MGAT5: variants seen among roughly 807,000 people sequenced by gnomAD.
MGAT5 encodes the protein alpha-1,6-mannosylglycoprotein 6-beta-N-acetylglucosaminyltransferase A.
A neutral mutation model predicts 94.3 loss-of-function variants in MGAT5; 30 were observed. The observed-to-expected ratio is 0.32, with a 90% CI of 0.24 to 0.43. The LOEUF (loss-of-function observed/expected upper bound fraction) is 0.43, where lower values mean the gene tolerates loss of function less well. Ranked by LOEUF, MGAT5 falls within the 20% of genes least tolerant of loss-of-function variation. MGAT5 has a pLI of 1.00. For missense variants in MGAT5, 691 were observed against 905.5 expected (o/e 0.76, Z 3.04); for synonymous variants, 310 against 322.9 (o/e 0.96, Z 0.43).
intron 1 of MGAT5, among the ~76,000 whole-genome samples, chr2:134,208,641 G>A (rs1346633874): frequency 1.3e-5 from 2 of 152,182 alleles, no homozygotes; most frequent in Non-Finnish European, 2.9e-5. Flanking sequence ...ATGTATACCA[G>A]AAACATGGTC....
intron 1 of MGAT5, among the ~76,000 whole-genome samples, chr2:134,190,802 T>C (rs1689332075): frequency 6.6e-6 from 1 of 152,220 alleles, no homozygotes; most frequent in East Asian, 1.9e-4. Context: ...CATGCCACCA[T>C]GGCTGGCTAA....
At chr2:134,312,745 G>A (rs576811123) in intron 2 of MGAT5, among the ~76,000 whole-genome samples, 4 of 152,248 alleles carry the variant, frequency 2.6e-5, no homozygotes, top group Middle Eastern at 3.4e-3. Context: ...ATTTCAGCAC[G>A]TGGCAGGCAG....
chr2:134,151,225 G>C (rs1241942833), intron 1 of MGAT5, among the ~76,000 whole-genome samples: 8 of 143,932 alleles, frequency 5.6e-5, no homozygotes, highest in Admixed American at 2.8e-4. Context: ...TACCGCCATG[G>C]GACCTCACTC....
intron 10 of MGAT5, among the ~76,000 whole-genome samples, chr2:134,389,234 A>G (rs1023883196): frequency 6.6e-6 from 1 of 152,212 alleles, no homozygotes; most frequent in African/African-American, 2.4e-5. Context: ...AGTCTAATTA[A>G]GTGTCTTTAT....
chr2:134,418,243 T>G (rs959157448), intron 12 of MGAT5, among the ~76,000 whole-genome samples: 1 of 152,246 alleles, frequency 6.6e-6, no homozygotes, highest in African/African-American at 2.4e-5. Flanking sequence ...ATTTACTTTT[T>G]GCTGAGGTCA....
At chr2:134,276,540 T>G (rs901074753) in intron 2 of MGAT5, among the ~76,000 whole-genome samples, 10 of 152,210 alleles carry the variant, frequency 6.6e-5, no homozygotes, top group African/African-American at 2.2e-4. Flanking sequence ...AGATCTACTT[T>G]ACATCAGAAA....
intron 1 of MGAT5, among the ~76,000 whole-genome samples, chr2:134,223,742 A>G (rs1204961520): frequency 6.6e-6 from 1 of 152,182 alleles, no homozygotes; most frequent in Non-Finnish European, 1.5e-5. Flanking sequence ...TAGCCTTATT[A>G]TGCTTGCCTG....
intron 1 of MGAT5, among the ~76,000 whole-genome samples, chr2:134,269,382 G>T (rs566071446): frequency 6.6e-6 from 1 of 152,136 alleles, no homozygotes; most frequent in Non-Finnish European, 1.5e-5. Flanking sequence ...GCACCTTCCC[G>T]TTTGTCTTAA....
intron 1 of MGAT5, among the ~76,000 whole-genome samples, chr2:134,186,919 A>C (rs879414036): frequency 2.6e-5 from 4 of 152,192 alleles, no homozygotes; most frequent in Non-Finnish European, 5.9e-5. Flanking sequence ...GGCAGGAGAT[A>C]GTGCCGCGTG....
In MGAT5 at chr2:134,223,398, G is replaced by C. The variant is rs549196319; in HGVS notation, c.-142-30864G>C. ...GGCCAGTGGGATGCCAAATGAGGGA[G>C]ATCCTTATCTCTAGTCTTCAGAATA... On this transcript the variant is annotated intron_variant, in intron 1 of 16. Transcript: ENST00000409645. Among the ~76,000 whole-genome samples the C allele has an allele frequency of 3.3e-3, 508 of 152,304 alleles. 3 individuals carry two copies. Among genetic ancestry groups the C allele is most frequent in the Non-Finnish European group, 6.2e-3 (425 of 68,032 alleles).
At chr2:134,360,531 A>G (rs1268960538) in intron 9 of MGAT5, among the ~76,000 whole-genome samples, 1 of 150,446 alleles carries the variant, frequency 6.6e-6, no homozygotes, top group Non-Finnish European at 1.5e-5. Flanking sequence ...TCACCATGTA[A>G]ATTTTCTGAA....
At chr2:134,132,743 G>T (rs775775893) in intron 1 of MGAT5, among the ~76,000 whole-genome samples, 1 of 152,180 alleles carries the variant, frequency 6.6e-6, no homozygotes, top group Non-Finnish European at 1.5e-5. Flanking sequence ...AGTTAGTTGT[G>T]ACCTTCTGTT....
chr2:134,326,380 A>G (rs1045958678), intron 4 of MGAT5, among the ~76,000 whole-genome samples: 5 of 151,954 alleles, frequency 3.3e-5, no homozygotes, highest in Admixed American at 2.0e-4. Flanking sequence ...GTGAGGACCT[A>G]TTCATACTGC....
rs1686028284 is a variant in MGAT5, at chr2:134,450,218, C to G, written c.*1371C>G. 1 of 152,342 alleles carries G rather than the reference C, an allele frequency of 6.6e-6. No homozygotes were observed. Among genetic ancestry groups the G allele is most frequent in the Non-Finnish European group, 1.5e-5 (1 of 68,126 alleles). 9.4% of individuals were successfully genotyped at this position (152,342 alleles called of 1,614,324 possible). On this transcript the variant is annotated 3_prime_UTR_variant, in exon 16 of 16. Transcript: ENST00000281923. ...CTGAAAAGCCCCTGACATCTCCATG[C>G]TGATGCAAGTGAGACCCCTTCTGCC...
rs1686033799 is a variant in MGAT5 at position 134,450,340 on chromosome 2, C to G, written c.*1493C>G. Reference sequence around the variant, plus strand: ...CCGGGGCTTCCAAGCACCCTTCCTGCTAACAGAGGGCGGCCCAGTGGAGCC... The same window carrying G: ...CCGGGGCTTCCAAGCACCCTTCCTGGTAACAGAGGGCGGCCCAGTGGAGCC... On this transcript the variant is annotated 3_prime_UTR_variant, in exon 16 of 16. Coordinates refer to ENST00000281923, the MANE Select transcript of MGAT5 (RefSeq NM_002410.5). The G allele has an allele frequency of 1.3e-5, 2 of 152,176 alleles. No homozygotes were observed. The highest frequency in any genetic ancestry group is 4.8e-5 in the African/African-American group (2 of 41,436). The allele number at this position is 152,176 out of a possible 1,614,324, so 9.4% of individuals were successfully genotyped here. A position where few individuals can be genotyped will look rare whatever the true frequency, so the allele number is the denominator to read the frequency against.
chr2:134,238,891 C>T (rs1055022307), intron 1 of MGAT5, among the ~76,000 whole-genome samples: 1 of 152,148 alleles, frequency 6.6e-6, no homozygotes, highest in South Asian at 2.1e-4. Flanking sequence ...TGCGGTGAGC[C>T]GAGATCATGC....
chr2:134,172,150 T>G (rs1262202580), intron 1 of MGAT5, among the ~76,000 whole-genome samples: 2 of 152,176 alleles, frequency 1.3e-5, no homozygotes, highest in Non-Finnish European at 2.9e-5. Context: ...GCCACTTAAT[T>G]CTTATGTAGA....
intron 1 of MGAT5, among the ~76,000 whole-genome samples, chr2:134,172,426 T>G (rs552574896): frequency 3.7e-4 from 56 of 152,102 alleles, no homozygotes; most frequent in African/African-American, 1.2e-3. Flanking sequence ...TTGCTCTGTC[T>G]CCCAGGCTGG....
Position 134,445,579 on chromosome 2 carries a change from G to C in MGAT5, c.2028-3070G>C, listed in dbSNP as rs3791324. On this transcript the variant is annotated intron_variant, in intron 15 of 15. Coordinates refer to ENST00000281923, the MANE Select transcript of MGAT5 (RefSeq NM_002410.5). ...TCTCAGCCCAGTGCCTGTGACTTCA[G>C]TCACAGCGTGGTCAGCCCCATTGGA... is the stretch of plus-strand genomic sequence containing the variant. Among the ~76,000 whole-genome samples, 24 of 152,256 alleles carry C rather than the reference G, an allele frequency of 1.6e-4. 1 individual carries two copies. In the South Asian group the frequency reaches 5.0e-3, roughly 32 times the overall value.
Sources: gnomAD v4.1 joint callset for allele counts (sites outside exome capture counted in the v4.1 genomes callset) on GRCh38, gnomAD v4.1.1 for gene constraint, MANE v1.5 for transcripts, NCBI Gene and HGNC (gene_info 2026-07-23, HGNC 2026-07-21) for gene names.